Variants in GLDN observed in about 807,000 individuals in gnomAD.
GLDN encodes collomin.
In GLDN, 47 loss-of-function variants were observed where a neutral mutation model predicts 56.5. The observed-to-expected ratio is 0.83, with a 90% confidence interval of 0.66 to 1.06. The LOEUF is 1.06. Among genes scored for constraint, GLDN ranks in the 50% least tolerant of loss-of-function variants. The pLI, the probability that GLDN is intolerant of heterozygous loss-of-function variation, is 0.00. For missense variants in GLDN, 782 were observed against 714.3 expected (o/e 1.09, Z -1.08); for synonymous variants, 332 against 278.8 (o/e 1.19, Z -1.90).
intron 4 of GLDN, among the ~76,000 whole-genome samples, chr15:51,386,052 G>A (rs976606412): frequency 6.6e-6 from 1 of 152,206 alleles, no homozygotes; most frequent in Non-Finnish European, 1.5e-5. Context: ...GCAGAGAAGG[G>A]AGAAGGTGTT....
intron 1 of GLDN, among the ~76,000 whole-genome samples, chr15:51,350,940 G>A (rs900962658): frequency 1.3e-5 from 2 of 152,192 alleles, no homozygotes; most frequent in African/African-American, 4.8e-5. Context: ...AAGCAGCAGA[G>A]GTGAGGGCAG....
chr15:51,358,195 C>G (rs1320860422), intron 1 of GLDN, among the ~76,000 whole-genome samples: 1 of 152,152 alleles, frequency 6.6e-6, no homozygotes, highest in Non-Finnish European at 1.5e-5. Flanking sequence ...CAATTCAAGT[C>G]CAAAGGTCAA....
At chr15:51,388,335 A>G (rs1021389222) in intron 4 of GLDN, among the ~76,000 whole-genome samples, 2 of 151,968 alleles carry the variant, frequency 1.3e-5, no homozygotes, top group African/African-American at 4.8e-5. Context: ...ATTATTTGCT[A>G]TTGCGCTAAT....
chr15:51,351,353 T>A (rs1425036778), intron 1 of GLDN, among the ~76,000 whole-genome samples: 1 of 152,172 alleles, frequency 6.6e-6, no homozygotes, highest in Non-Finnish European at 1.5e-5. Flanking sequence ...TTTCCCTCAA[T>A]CTTCCCTGCC....
intron 8 of GLDN, 48 bp from the exon 9 acceptor site, chr15:51,401,545 T>G (rs775507242): frequency 2.1e-5 from 33 of 1,570,426 alleles, no homozygotes; most frequent in Non-Finnish European, 2.7e-5. Context: ...TCCCAAGCTG[T>G]GATTGCTGGA....
At chr15:51,413,273 TGAAA>T in the GLDN span, among the ~76,000 whole-genome samples, 1 of 152,198 alleles carries the variant, frequency 6.6e-6, no homozygotes, top group African/African-American at 2.4e-5. Context: ...AGCAAGATGG[TGAAA>T]GAAGCCTCCA....
intron 1 of GLDN, among the ~76,000 whole-genome samples, chr15:51,348,319 A>C (rs1046906604): frequency 2.1e-5 from 3 of 144,432 alleles, no homozygotes; most frequent in South Asian, 2.2e-4. Context: ...TTTCTTTTTT[A>C]TTTTTTTATT....
chr15:51,362,283 G>A (rs373894155), intron 1 of GLDN, among the ~76,000 whole-genome samples: 50 of 152,192 alleles, frequency 3.3e-4, no homozygotes, highest in African/African-American at 1.2e-3. Context: ...TCAGGAGTTC[G>A]AGACCAGACT....
At position 51,341,973 on chromosome 15, in the gene GLDN, A is replaced by G. The variant is rs779471866; in HGVS notation, c.289A>G (p.Ser97Gly). 2 of 1,597,454 alleles carry G rather than the reference A, an allele frequency of 1.3e-6. No homozygotes were observed. Among genetic ancestry groups the G allele is most frequent in the Non-Finnish European group, 8.5e-7 (1 of 1,179,482 alleles). The change falls in exon 1 of 10, where the codon AGC becomes GGC. Residue 97 changes from serine (S) to glycine (G), a missense_variant. Physicochemically the swap from Ser to Gly is moderately conservative, Grantham distance 56. Coordinates refer to ENST00000335449, the MANE Select transcript of GLDN (RefSeq NM_181789.4). Reference protein sequence around the residue: ...ASSARNKRSHSGEPAPHIRAE... With the variant: ...ASSARNKRSHGGEPAPHIRAE... The stretch of plus-strand genomic sequence containing the variant: ...CTCAGCTCGCAACAAGCGCAGCCAC[A>G]GCGGCGAGCCCGCGCCGCATATCCG...
intron 5 of GLDN, 149 bp downstream of exon 5, chr15:51,395,130 T>G: frequency 2.6e-6 from 2 of 760,532 alleles, no homozygotes; most frequent in Non-Finnish European, 2.0e-6. Context: ...TTCTATGCTT[T>G]CAAAGAGGAG....
chr15:51,394,527 T>C (rs1362464833), intron 4 of GLDN, among the ~76,000 whole-genome samples: 1 of 152,082 alleles, frequency 6.6e-6, no homozygotes, highest in Non-Finnish European at 1.5e-5. Flanking sequence ...GCAGGAGAAT[T>C]GCTTGAACCA....
At chr15:51,378,065 A>C (rs1361969691) in intron 2 of GLDN, among the ~76,000 whole-genome samples, 3 of 152,178 alleles carry the variant, frequency 2.0e-5, no homozygotes, top group African/African-American at 7.2e-5. Flanking sequence ...AGGTTGTAGG[A>C]AGCCTAGCCT....
chr15:51,371,284 C>G (rs1352673779), intron 1 of GLDN, among the ~76,000 whole-genome samples: 1 of 152,186 alleles, frequency 6.6e-6, no homozygotes, highest in African/African-American at 2.4e-5. Context: ...ATTGACAAAC[C>G]TTTGCATGTT....
intron 1 of GLDN, among the ~76,000 whole-genome samples, chr15:51,357,324 A>G (rs2037204329): frequency 6.6e-6 from 1 of 152,180 alleles, no homozygotes; most frequent in Non-Finnish European, 1.5e-5. Flanking sequence ...TGAATCCTTC[A>G]ATTGAGAAAA....
intron 1 of GLDN, among the ~76,000 whole-genome samples, chr15:51,362,285 G>C (rs978159206): frequency 3.3e-5 from 5 of 152,110 alleles, no homozygotes; most frequent in African/African-American, 1.2e-4. Context: ...AGGAGTTCGA[G>C]ACCAGACTGA....
downstream of GLDN, among the ~76,000 whole-genome samples, chr15:51,411,533 C>T (rs1375248814): frequency 1.3e-5 from 2 of 152,144 alleles, no homozygotes; most frequent in South Asian, 2.1e-4. Context: ...TATAGAAGAC[C>T]TGATAACAAA....
Position 51,401,704 on chromosome 15 carries a change from C to G in GLDN, c.1139C>G (p.Ser380Cys), listed in dbSNP as rs779966887. 1.3e-5 allele frequency: 21 copies of G among 1,614,178 alleles called. No individual in the cohort carries two copies. The highest frequency in any genetic ancestry group is 1.8e-5 in the Non-Finnish European group (21 of 1,179,996). ...TGTGGGCACGTTGTTTACAACAACT[C>G]TCTCTACTACCACAAAGGGGGTTCT... is the stretch of plus-strand genomic sequence containing the variant. Reference protein sequence around the residue: ...HGCGHVVYNNSLYYHKGGSNT... With the variant: ...HGCGHVVYNNCLYYHKGGSNT... Residue 380 changes from serine (S) to cysteine (C), a missense_variant, in exon 9 of 10, where the codon TCT (serine) becomes TGT (cysteine). Coordinates refer to ENST00000335449, the MANE Select transcript of GLDN (RefSeq NM_181789.4).
intron 1 of GLDN, among the ~76,000 whole-genome samples, chr15:51,359,983 A>AAAC (rs1429656788): frequency 6.6e-6 from 1 of 151,440 alleles, no homozygotes; most frequent in African/African-American, 2.4e-5. Context: ...TGTCTCAAAA[A>AAAC]AAAAAAAAAA....
chr15:51,386,597 C>G (rs1430698555), intron 4 of GLDN, among the ~76,000 whole-genome samples: 2 of 152,202 alleles, frequency 1.3e-5, no homozygotes, highest in Admixed American at 1.3e-4. Context: ...ATCTGCTTCT[C>G]TAAATGCTGC....
Sources: gnomAD v4.1 joint callset for allele counts (sites outside exome capture counted in the v4.1 genomes callset) on GRCh38, gnomAD v4.1.1 for gene constraint, MANE v1.5 for transcripts, NCBI Gene and HGNC (gene_info 2026-07-23, HGNC 2026-07-21) for gene names.